The following DLGAP2 variants were observed in gnomAD, a reference collection of about 807,000 sequenced individuals.
The protein encoded by DLGAP2 is DLG associated protein 2.
Under a neutral mutation model 100.3 loss-of-function variants are expected in DLGAP2, and 26 were observed. The ratio of observed to expected loss-of-function variants is 0.26; its 90% CI spans 0.19 to 0.36. The LOEUF is 0.36. Among genes scored for constraint, DLGAP2 ranks in the 10% least tolerant of loss-of-function variants. The probability of loss-of-function intolerance (pLI) is 1.00; values close to 1 mark genes in which losing one functional copy is unlikely to be tolerated. For synonymous variants in DLGAP2, 886 were observed against 630.1 expected (o/e 1.41, Z -6.08); for missense variants, 1,858 against 1,453.2 (o/e 1.28, Z -4.53).
chr8:1,654,400 G>A (rs539127347), intron 8 of DLGAP2, among the ~76,000 whole-genome samples: 3 of 152,238 alleles, frequency 2.0e-5, no homozygotes, highest in Admixed American at 6.5e-5. Context: ...GGTGGCTCAC[G>A]CCTGTAATCT....
chr8:1,423,690 C>G lies in DLGAP2; in HGVS notation c.107-77676C>G, dbSNP rs535637054. ...TGCGTTGAGAGCCTGGCATGTGTAG[C>G]TGCTAACACCATTGACAGAGTGTGC... On this transcript the variant is annotated intron_variant, in intron 3 of 14. Coordinates refer to ENST00000637795, the MANE Select transcript of DLGAP2 (RefSeq NM_001346810.2). Among the ~76,000 whole-genome samples the G allele has an allele frequency of 1.1e-4, 17 of 152,334 alleles. No individual in the cohort carries two copies. In the East Asian group the frequency reaches 2.7e-3, roughly 24 times the overall value.
rs76862698 is a variant in DLGAP2, at chr8:809,200, C to T, written c.18+71375C>T. Among the ~76,000 whole-genome samples, 405 of 152,234 alleles carry T rather than the reference C, an allele frequency of 2.7e-3. 1 individual carries two copies. Among genetic ancestry groups the T allele is most frequent in the Middle Eastern group, 6.8e-3 (2 of 294 alleles). On this transcript the variant is annotated intron_variant, in intron 1 of 14. Coordinates refer to ENST00000637795, the MANE Select transcript of DLGAP2 (RefSeq NM_001346810.2). ...AATTATAGATGTGAGCCACTGCGCC[C>T]GGCCAATGATTACTTCTTCATATTT... is the stretch of plus-strand genomic sequence containing the variant.
rs983725861 is a variant in DLGAP2, at chr8:1,318,180, A to C, written c.106+59297A>C. Reference sequence around the variant, plus strand: ...GCGTGTGTGAGTGCAGCGTCTCTCCAACAGTCTACAAATGGCTTTGCTGCT... The same window carrying C: ...GCGTGTGTGAGTGCAGCGTCTCTCCCACAGTCTACAAATGGCTTTGCTGCT... On this transcript the variant is annotated intron_variant, in intron 3 of 14. Transcript: ENST00000637795. Among the ~76,000 whole-genome samples, 82 of 152,078 alleles carry C rather than the reference A, an allele frequency of 5.4e-4. 1 individual carries two copies. The highest frequency in any genetic ancestry group is 1.9e-3 in the African/African-American group (80 of 41,476).
chr8:1,136,578 C>T (rs1374533870), intron 2 of DLGAP2, among the ~76,000 whole-genome samples: 1 of 152,210 alleles, frequency 6.6e-6, no homozygotes, highest in Non-Finnish European at 1.5e-5. Context: ...CAACATAGGG[C>T]ACTCAGATCT....
chr8:773,748 T>A (rs1821430881), intron 1 of DLGAP2, among the ~76,000 whole-genome samples: 2 of 152,184 alleles, frequency 1.3e-5, no homozygotes, highest in African/African-American at 2.4e-5. Context: ...AGTCTATCAT[T>A]GTTGGACATT....
intron 2 of DLGAP2, among the ~76,000 whole-genome samples, chr8:1,069,645 G>A (rs1803367774): frequency 6.6e-6 from 1 of 152,106 alleles, no homozygotes; most frequent in Non-Finnish European, 1.5e-5. Flanking sequence ...CGTCATTAGA[G>A]TATAATATAT....
chr8:1,229,145 A>G (rs1233839751), intron 2 of DLGAP2, among the ~76,000 whole-genome samples: 1 of 152,192 alleles, frequency 6.6e-6, no homozygotes, highest in Middle Eastern at 3.2e-3. Flanking sequence ...CAATACAAAA[A>G]TGACCAAGAT....
At chr8:1,658,405 A>T (rs536608618) in intron 8 of DLGAP2, among the ~76,000 whole-genome samples, 2 of 152,252 alleles carry the variant, frequency 1.3e-5, no homozygotes, top group African/African-American at 4.8e-5. Flanking sequence ...TTATATATAT[A>T]CTTTAAGTTC....
chr8:1,541,338 G>A (rs891629182), intron 4 of DLGAP2, among the ~76,000 whole-genome samples: 9 of 152,128 alleles, frequency 5.9e-5, no homozygotes, highest in Non-Finnish European at 1.2e-4. Context: ...TAAAATGGCC[G>A]TTGGAGACAC....
At chr8:1,661,287 G>A (rs1384360374) in intron 8 of DLGAP2, among the ~76,000 whole-genome samples, 2 of 152,174 alleles carry the variant, frequency 1.3e-5, no homozygotes, top group Admixed American at 6.5e-5. Flanking sequence ...GACCTGTGTG[G>A]TGCATGACCA....
At chr8:796,372 C>T (rs1796037547) in intron 1 of DLGAP2, among the ~76,000 whole-genome samples, 1 of 152,180 alleles carries the variant, frequency 6.6e-6, no homozygotes, top group East Asian at 1.9e-4. Flanking sequence ...AGACTCCGAA[C>T]TGACTTCTGC....
chr8:885,835 C>T (rs1797911506), intron 1 of DLGAP2, among the ~76,000 whole-genome samples: 1 of 152,064 alleles, frequency 6.6e-6, no homozygotes, highest in African/African-American at 2.4e-5. Flanking sequence ...AATCAATGTT[C>T]ATCAGGAATA....
chr8:1,672,114 G>A (rs779325576), intron 10 of DLGAP2, among the ~76,000 whole-genome samples: 8 of 152,198 alleles, frequency 5.3e-5, no homozygotes, highest in African/African-American at 1.2e-4. Context: ...CAGATACTGC[G>A]GTTAGGAGGG....
intron 2 of DLGAP2, among the ~76,000 whole-genome samples, chr8:976,627 A>C (rs1216636013): frequency 2.0e-5 from 3 of 152,156 alleles, no homozygotes; most frequent in Non-Finnish European, 4.4e-5. Flanking sequence ...AACAAAAAAC[A>C]GAAAATAGAC....
chr8:1,005,923 A>C (rs1801095018), intron 2 of DLGAP2, among the ~76,000 whole-genome samples: 1 of 152,152 alleles, frequency 6.6e-6, no homozygotes, highest in Admixed American at 6.5e-5. Flanking sequence ...AAGAAATCTC[A>C]CACCCTGGTC....
chr8:1,509,255 C>G (rs1800067957), intron 4 of DLGAP2, among the ~76,000 whole-genome samples: 1 of 151,680 alleles, frequency 6.6e-6, no homozygotes, highest in South Asian at 2.1e-4. Flanking sequence ...TGCTTGAACC[C>G]CGGAGGCAGA....
intron 3 of DLGAP2, among the ~76,000 whole-genome samples, chr8:1,332,556 C>G (rs115834424): frequency 1.3e-5 from 2 of 152,322 alleles, no homozygotes; most frequent in East Asian, 1.9e-4. Flanking sequence ...TGCACACACA[C>G]TTGCTATGAC....
intron 3 of DLGAP2, among the ~76,000 whole-genome samples, chr8:1,267,635 AGGTCTAC>A (rs1799493396): frequency 8.8e-6 from 1 of 113,024 alleles, no homozygotes; most frequent in African/African-American, 3.5e-5. Context: ...AATATTAAAT[AGGTCTAC>A]AAAAAGGCCT....
At chr8:1,422,162 G>T (rs186764336) in intron 3 of DLGAP2, among the ~76,000 whole-genome samples, 143 of 152,256 alleles carry the variant, frequency 9.4e-4, no homozygotes, top group African/African-American at 3.3e-3. Flanking sequence ...TGGCTGAGTC[G>T]CGAGGATGTT....
Sources: allele counts gnomAD v4.1 joint callset (sites outside exome capture counted in the v4.1 genomes callset), GRCh38; gene constraint gnomAD v4.1.1; transcripts MANE v1.5; gene names NCBI Gene and HGNC (gene_info 2026-07-23, HGNC 2026-07-21).